The following EYA3 variants were observed in gnomAD, a reference collection of about 807,000 sequenced individuals.
EYA3 encodes protein phosphatase EYA3.
Under a neutral mutation model 80.0 loss-of-function variants are expected in EYA3, and 39 were observed. That is an observed-to-expected ratio of 0.49 (90% CI 0.38 to 0.64). The LOEUF is 0.64. EYA3 is among the 30% of genes least tolerant of loss of function. The pLI, the probability that EYA3 is intolerant of heterozygous loss-of-function variation, is 0.00. For synonymous variants in EYA3, 206 were observed against 232.8 expected (o/e 0.88, Z 1.05); for missense variants, 523 against 676.1 (o/e 0.77, Z 2.51).
chr1:27,978,348 A>G (rs1439003158), intron 17 of EYA3, 26 bp downstream of exon 17: 1 of 1,541,426 alleles, frequency 6.5e-7, no homozygotes, highest in East Asian at 2.2e-5. Flanking sequence ...ACAACCACAT[A>G]GACTATTTTT....
chr1:27,979,584 G>A (rs1018427321), intron 16 of EYA3, among the ~76,000 whole-genome samples: 1 of 152,172 alleles, frequency 6.6e-6, no homozygotes, highest in Non-Finnish European at 1.5e-5. Flanking sequence ...ACTGCTGTGG[G>A]AAAGATACTT....
chr1:28,080,804 G>A (rs1645394512), intron 1 of EYA3, among the ~76,000 whole-genome samples: 1 of 152,134 alleles, frequency 6.6e-6, no homozygotes, highest in African/African-American at 2.4e-5. Context: ...AGGCTGGAGT[G>A]CAATAGCGTG....
intron 13 of EYA3, among the ~76,000 whole-genome samples, chr1:27,993,882 TA>T (rs1375744520): frequency 1.6e-4 from 25 of 152,148 alleles, no homozygotes; most frequent in African/African-American, 6.0e-4. Flanking sequence ...AAAAGCAGAA[TA>T]TAAAATTTTG....
intron 1 of EYA3, among the ~76,000 whole-genome samples, chr1:28,084,568 TATATATATATATATATATATATATATA>T (rs1557659296): frequency 6.5e-4 from 6 of 9,204 alleles, no homozygotes; most frequent in East Asian, 2.8e-3. Flanking sequence ...TATATATATA[TATATATATATATATATATATATATATA>T]TTTTTTTTTT....
intron 1 of EYA3, among the ~76,000 whole-genome samples, chr1:28,068,784 GTTTT>G (rs979655168): frequency 3.3e-5 from 5 of 151,956 alleles, no homozygotes; most frequent in African/African-American, 7.2e-5. Context: ...GATTTACTGG[GTTTT>G]TTTGTTTGTT....
At chr1:28,061,903 GTTT>G (rs772381035) in intron 1 of EYA3, among the ~76,000 whole-genome samples, 22 of 140,362 alleles carry the variant, frequency 1.6e-4, no homozygotes, top group Non-Finnish European at 2.9e-4. Context: ...CCGGTCAACG[GTTT>G]TTTTTTGTTT....
intron 7 of EYA3, among the ~76,000 whole-genome samples, chr1:28,017,593 T>C (rs945397835): frequency 1.3e-5 from 2 of 152,216 alleles, no homozygotes; most frequent in Non-Finnish European, 2.9e-5. Flanking sequence ...TCACCTGCAA[T>C]GTGACCTACT....
chr1:28,013,978 G>A lies in EYA3; in HGVS notation c.586-684C>T, dbSNP rs950571006. Among the ~76,000 whole-genome samples, 1 of 152,158 alleles carries A rather than the reference G, an allele frequency of 6.6e-6. No homozygotes were observed. The highest frequency in any genetic ancestry group is 1.9e-4 in the East Asian group (1 of 5,196). ...CTTGGGAGGCTAAGGCACAAGAATC[G>A]CTTGAACCTGGAAAGCGGAGGTTGC... On this transcript the variant is annotated intron_variant, in intron 8 of 17. Coordinates refer to ENST00000373871, the MANE Select transcript of EYA3 (RefSeq NM_001990.4). The surrounding 1 kb of genome is among the most constrained non-coding windows in gnomAD (Gnocchi z 4.0).
At chr1:27,998,410 T>A in intron 12 of EYA3, 1 of 628,156 alleles carries the variant, frequency 1.6e-6, no homozygotes, top group Non-Finnish European at 2.0e-6. Context: ...AGGTTTTCAA[T>A]AAATGTTTGC....
At chr1:27,988,125 C>T (rs1236607384) in intron 16 of EYA3, among the ~76,000 whole-genome samples, 6 of 152,196 alleles carry the variant, frequency 3.9e-5, no homozygotes, top group Non-Finnish European at 8.8e-5. Flanking sequence ...CCGTCTCAGC[C>T]TCCCAAAGTG....
chr1:28,007,303 A>C (rs1467691905), intron 10 of EYA3, among the ~76,000 whole-genome samples: 1 of 151,162 alleles, frequency 6.6e-6, no homozygotes, highest in African/African-American at 2.4e-5. Context: ...CTAATAAATA[A>C]ATTCAGATAT....
At chr1:28,079,264 G>A (rs11247750) in intron 1 of EYA3, among the ~76,000 whole-genome samples, 5,625 of 152,204 alleles carry the variant, frequency 0.037, 302 homozygotes, top group African/African-American at 0.13. Context: ...ATATTTCTAC[G>A]CCCTTTCCCC....
At chr1:27,995,687 C>G (rs1212141235) in intron 13 of EYA3, among the ~76,000 whole-genome samples, 4 of 149,572 alleles carry the variant, frequency 2.7e-5, no homozygotes, top group Non-Finnish European at 5.9e-5. Flanking sequence ...TACAATGAGC[C>G]GAGATGGTGC....
chr1:27,977,341 T>A, intron 17 of EYA3: 2 of 1,550,550 alleles, frequency 1.3e-6, no homozygotes, highest in Non-Finnish European at 1.7e-6. Flanking sequence ...ATCAGGGCAG[T>A]TGGTTCTAGC....
intron 13 of EYA3, among the ~76,000 whole-genome samples, chr1:27,993,824 G>A (rs947775949): frequency 3.9e-5 from 6 of 152,136 alleles, no homozygotes; most frequent in African/African-American, 1.4e-4. Flanking sequence ...GGTTGACTTG[G>A]GATAAGGCAT....
At chr1:28,027,675 T>C in intron 7 of EYA3, 114 bp downstream of exon 7, 1 of 1,363,984 alleles carries the variant, frequency 7.3e-7, no homozygotes, top group Non-Finnish European at 1.0e-6. Context: ...CCTTTCTACT[T>C]TAGAAGACAG....
At chr1:27,997,974 A>G in intron 12 of EYA3, among the ~76,000 whole-genome samples, 1 of 152,198 alleles carries the variant, frequency 6.6e-6, no homozygotes, top group Non-Finnish European at 1.5e-5. Flanking sequence ...AGTGGCAGAA[A>G]GAGACTAGAA....
chr1:28,046,057 AT>A (rs1221466462), intron 3 of EYA3, among the ~76,000 whole-genome samples: 2 of 152,200 alleles, frequency 1.3e-5, no homozygotes, highest in Non-Finnish European at 2.9e-5. Context: ...AGTCACAATC[AT>A]GCAGACAGAA....
chr1:28,075,988 T>A (rs879695958), intron 1 of EYA3, among the ~76,000 whole-genome samples: 2 of 151,730 alleles, frequency 1.3e-5, no homozygotes, highest in Non-Finnish European at 2.9e-5. Context: ...GACACAAATA[T>A]CCAGCAGACC....
Sources: allele counts gnomAD v4.1 joint callset (sites outside exome capture counted in the v4.1 genomes callset), GRCh38; gene constraint gnomAD v4.1.1; non-coding constraint Gnocchi (gnomAD v3.1); transcripts MANE v1.5; gene names NCBI Gene and HGNC (gene_info 2026-07-23, HGNC 2026-07-21).